The following ZFHX3 variants were observed in gnomAD, a reference collection of about 807,000 sequenced individuals.
The protein encoded by ZFHX3 is zinc finger homeobox protein 3.
In ZFHX3, 42 loss-of-function variants were observed where a neutral mutation model predicts 279.1. That is an observed-to-expected ratio of 0.15 (90% CI 0.12 to 0.19). The LOEUF (loss-of-function observed/expected upper bound fraction) is 0.19. ZFHX3 is among the 10% of genes least tolerant of loss of function. The probability of loss-of-function intolerance (pLI) is 1.00; values close to 1 mark genes in which losing one functional copy is unlikely to be tolerated. For missense variants in ZFHX3, 4,981 were observed against 4,754.0 expected, an observed-to-expected ratio of 1.05 and a Z score of -1.40; for synonymous variants, 2,293 against 1,957.8, an observed-to-expected ratio of 1.17 and a Z score of -4.52.
chr16:73,188,435 G>A (rs923003872), intron 5 of ZFHX3, among the ~76,000 whole-genome samples: 2 of 152,208 alleles, frequency 1.3e-5, no homozygotes, highest in Non-Finnish European at 2.9e-5. Flanking sequence ...CCAATACTCT[G>A]TTTGGACCCC....
chr16:73,354,716 C>A (rs1242224782), intron 3 of ZFHX3, among the ~76,000 whole-genome samples: 1 of 152,224 alleles, frequency 6.6e-6, no homozygotes, highest in South Asian at 2.1e-4. Flanking sequence ...ACCCTTCTTC[C>A]TGCCTGTCCT....
intron 2 of ZFHX3, among the ~76,000 whole-genome samples, chr16:73,461,066 G>A (rs1013706748): frequency 1.8e-4 from 28 of 152,134 alleles, no homozygotes; most frequent in Admixed American, 5.2e-4. Context: ...GCCAGAATTT[G>A]GCATTGTCAC....
intron 2 of ZFHX3, among the ~76,000 whole-genome samples, chr16:73,547,884 G>A (rs1353322017): frequency 6.6e-6 from 1 of 152,168 alleles, no homozygotes; most frequent in African/African-American, 2.4e-5. Flanking sequence ...TGGAACTTGT[G>A]AACACAGACG....
chr16:73,395,713 T>G (rs2017113708), intron 3 of ZFHX3, among the ~76,000 whole-genome samples: 1 of 152,054 alleles, frequency 6.6e-6, no homozygotes, highest in Non-Finnish European at 1.5e-5. Context: ...CTTTCATAAG[T>G]GATTATGTGC....
intron 3 of ZFHX3, among the ~76,000 whole-genome samples, chr16:73,361,611 T>C (rs2016434918): frequency 6.6e-6 from 1 of 152,238 alleles, no homozygotes; most frequent in Non-Finnish European, 1.5e-5. Flanking sequence ...AAAAATAGAA[T>C]ACTACAGATA....
chr16:73,002,149 T>C (rs1477792750), intron 1 of ZFHX3, among the ~76,000 whole-genome samples: 1 of 152,090 alleles, frequency 6.6e-6, no homozygotes, highest in African/African-American at 2.4e-5. Context: ...CCCACAGCCA[T>C]AAAGTAACGG....
intron 2 of ZFHX3, among the ~76,000 whole-genome samples, chr16:73,664,201 C>T (rs796760783): frequency 1.3e-5 from 2 of 150,228 alleles, no homozygotes; most frequent in Admixed American, 6.6e-5. Context: ...CTTTGCCAAA[C>T]AGTATTGCTG....
chr16:73,251,057 A>G (rs1046013260), intron 5 of ZFHX3, among the ~76,000 whole-genome samples: 1 of 152,096 alleles, frequency 6.6e-6, no homozygotes, highest in African/African-American at 2.4e-5. Flanking sequence ...TTCTTCTTCA[A>G]TTTGGCTTGC....
chr16:73,835,619 C>T (rs549741638), intron 1 of ZFHX3, among the ~76,000 whole-genome samples: 1 of 151,760 alleles, frequency 6.6e-6, no homozygotes, highest in African/African-American at 2.4e-5. Flanking sequence ...TACAGGCACC[C>T]GCCACCATGC....
intron 2 of ZFHX3, among the ~76,000 whole-genome samples, chr16:73,660,633 T>TA (rs2142174711): frequency 6.6e-6 from 1 of 152,282 alleles, no homozygotes; most frequent in South Asian, 2.1e-4. Context: ...TAAGGGATAC[T>TA]ACATCCTCTT....
chr16:73,423,099 A>C (rs1236405571), intron 3 of ZFHX3, among the ~76,000 whole-genome samples: 1 of 152,114 alleles, frequency 6.6e-6, no homozygotes, highest in Non-Finnish European at 1.5e-5. Flanking sequence ...TTACCTCTTC[A>C]AAGACTCCAT....
intron 3 of ZFHX3, among the ~76,000 whole-genome samples, chr16:72,911,355 A>T (rs1194101269): frequency 1.3e-5 from 2 of 152,236 alleles, no homozygotes; most frequent in Non-Finnish European, 2.9e-5. Context: ...AGGGAAAAGG[A>T]CACTGTCAAT....
At chr16:73,383,605 C>G (rs962621433) in intron 3 of ZFHX3, among the ~76,000 whole-genome samples, 5 of 150,234 alleles carry the variant, frequency 3.3e-5, no homozygotes, top group Admixed American at 1.3e-4. Context: ...TGCGGCTCAT[C>G]TTTGTGGAGG....
chr16:73,791,530 T>C (rs530896103), intron 1 of ZFHX3, among the ~76,000 whole-genome samples: 6 of 152,214 alleles, frequency 3.9e-5, no homozygotes, highest in Admixed American at 6.5e-5. Context: ...GTTCAAGTGA[T>C]TCCCCTGCCT....
At chr16:72,824,764 C>CA (rs2036892674) in intron 5 of ZFHX3, among the ~76,000 whole-genome samples, 2 of 152,200 alleles carry the variant, frequency 1.3e-5, no homozygotes, top group South Asian at 4.1e-4. Context: ...TAACTTATTG[C>CA]AAATAATGAT....
At chr16:73,546,195 C>T (rs1258641716) in intron 2 of ZFHX3, among the ~76,000 whole-genome samples, 1 of 151,926 alleles carries the variant, frequency 6.6e-6, no homozygotes, top group African/African-American at 2.4e-5. Context: ...TATTAAATTC[C>T]CCCTCCCTTT....
intron 5 of ZFHX3, among the ~76,000 whole-genome samples, chr16:73,185,706 G>A (rs536417175): frequency 9.9e-5 from 15 of 152,254 alleles, no homozygotes; most frequent in African/African-American, 3.6e-4. Context: ...GACAATTTGG[G>A]CATTTTGACA....
chr16:73,420,628 G>A (rs1419369237), intron 3 of ZFHX3: 1 of 152,172 alleles, frequency 6.6e-6, no homozygotes, highest in Non-Finnish European at 1.5e-5. Context: ...GTCAAACTAC[G>A]GTTCATTTGT....
intron 3 of ZFHX3, among the ~76,000 whole-genome samples, chr16:72,911,197 C>A (rs2039307456): frequency 1.3e-5 from 2 of 152,208 alleles, no homozygotes; most frequent in African/African-American, 4.8e-5. Flanking sequence ...TGTAGCTTCA[C>A]AAGGGAAGCC....
Sources: gnomAD v4.1 joint callset for allele counts (sites outside exome capture counted in the v4.1 genomes callset) on GRCh38, gnomAD v4.1.1 for gene constraint, MANE v1.5 for transcripts, NCBI Gene and HGNC (gene_info 2026-07-23, HGNC 2026-07-21) for gene names.